The following M1AP variants were observed in gnomAD, a reference collection of about 807,000 sequenced individuals.
The protein encoded by M1AP is meiosis 1 associated protein, also known as meiosis 1 arrest protein.
Under a neutral mutation model 51.2 loss-of-function variants are expected in M1AP, and 39 were observed. That is an observed-to-expected ratio of 0.76 (90% CI 0.59 to 1.00). The LOEUF (loss-of-function observed/expected upper bound fraction) is 1.00, where lower values mean the gene tolerates loss of function less well. Among genes scored for constraint, M1AP ranks in the 50% least tolerant of loss-of-function variants. The pLI, the probability that M1AP is intolerant of heterozygous loss-of-function variation, is 0.00. For synonymous variants in M1AP, 251 were observed against 249.2 expected (o/e 1.01, Z -0.07); for missense variants, 545 against 641.2 (o/e 0.85, Z 1.62).
At chr2:74,593,002 T>C (rs78872564) in intron 4 of M1AP, among the ~76,000 whole-genome samples, 34 of 152,360 alleles carry the variant, frequency 2.2e-4, no homozygotes, top group African/African-American at 8.2e-4. Flanking sequence ...ACTAATGCTC[T>C]AGTGCTGGGT....
chr2:74,599,161 C>T (rs926465867), intron 4 of M1AP, among the ~76,000 whole-genome samples: 5 of 152,034 alleles, frequency 3.3e-5, no homozygotes, highest in African/African-American at 9.7e-5. Flanking sequence ...CACCTATAAT[C>T]CCAGCTAGTT....
At chr2:74,640,454 G>T in intron 1 of M1AP, 127 bp from the exon 2 acceptor site, 2 of 771,550 alleles carry the variant, frequency 2.6e-6, no homozygotes, top group East Asian at 2.8e-5. Context: ...AGCTTGTCCA[G>T]GCCATCCTAT....
At chr2:74,619,930 A>G (rs1681904974) in intron 2 of M1AP, among the ~76,000 whole-genome samples, 1 of 152,200 alleles carries the variant, frequency 6.6e-6, no homozygotes, top group African/African-American at 2.4e-5. Context: ...CAACCTCACA[A>G]TGTAAAAAGG....
intron 2 of M1AP, among the ~76,000 whole-genome samples, chr2:74,629,345 C>A (rs1028724237): frequency 1.3e-5 from 2 of 152,114 alleles, no homozygotes; most frequent in Non-Finnish European, 2.9e-5. Flanking sequence ...TGAAATGTTC[C>A]AAAATCCAAA....
intron 3 of M1AP, among the ~76,000 whole-genome samples, chr2:74,612,162 A>G (rs1681403518): frequency 6.6e-6 from 1 of 151,658 alleles, no homozygotes; most frequent in African/African-American, 2.4e-5. Flanking sequence ...AAGTGCTGGG[A>G]TTACAGGTGT....
intron 4 of M1AP, among the ~76,000 whole-genome samples, chr2:74,603,994 T>C (rs1680823141): frequency 6.6e-6 from 1 of 152,212 alleles, no homozygotes; most frequent in Non-Finnish European, 1.5e-5. Context: ...GGGTGAACTG[T>C]AACTTGAATG....
chr2:74,566,460 T>G (rs1314558587), intron 7 of M1AP, among the ~76,000 whole-genome samples: 4 of 151,896 alleles, frequency 2.6e-5, no homozygotes, highest in Non-Finnish European at 5.9e-5. Context: ...GAGAACAGCA[T>G]GAAAAAAGGT....
chr2:74,632,585 A>C (rs1473904737), intron 2 of M1AP, among the ~76,000 whole-genome samples: 1 of 152,202 alleles, frequency 6.6e-6, no homozygotes, highest in Non-Finnish European at 1.5e-5. Flanking sequence ...CTCCTTCAAC[A>C]GTGAAACTAT....
chr2:74,605,079 T>TA (rs1306785330), intron 4 of M1AP, among the ~76,000 whole-genome samples: 2 of 151,406 alleles, frequency 1.3e-5, no homozygotes, highest in Non-Finnish European at 2.9e-5. Flanking sequence ...TTAGCAAAAA[T>TA]AAAAAAACAA....
At chr2:74,610,782 T>C (rs1681288837) in intron 3 of M1AP, among the ~76,000 whole-genome samples, 1 of 152,242 alleles carries the variant, frequency 6.6e-6, no homozygotes, top group Admixed American at 6.5e-5. Flanking sequence ...ACTTTCAACT[T>C]TTCCTCATTC....
intron 2 of M1AP, among the ~76,000 whole-genome samples, chr2:74,627,833 C>A (rs1682488404): frequency 1.3e-5 from 2 of 152,146 alleles, no homozygotes. Context: ...ATATTAAAAT[C>A]TAACAATTAT....
intron 4 of M1AP, among the ~76,000 whole-genome samples, chr2:74,594,650 G>T (rs1171961742): frequency 2.0e-5 from 3 of 152,152 alleles, no homozygotes; most frequent in Non-Finnish European, 4.4e-5. Flanking sequence ...AAGATGGGAG[G>T]ACTGCCTGAG....
At chr2:74,571,342 T>C (rs1292770541) in intron 7 of M1AP, among the ~76,000 whole-genome samples, 1 of 152,148 alleles carries the variant, frequency 6.6e-6, no homozygotes, top group Middle Eastern at 3.2e-3. Context: ...GCGGTGCTGC[T>C]ATTAACAGAA....
Position 74,578,774 on chromosome 2 carries a change from G to C in M1AP, c.770-2156C>G, listed in dbSNP as rs565210656. Among the ~76,000 whole-genome samples the C allele has an allele frequency of 4.7e-4, 71 of 152,316 alleles. 1 individual carries two copies. In the South Asian group the frequency reaches 0.014, roughly 31 times the overall value. On this transcript the variant is annotated intron_variant, in intron 5 of 10. Transcript: ENST00000421985. The stretch of plus-strand genomic sequence containing the variant: ...CAGCTGGCATCAGATAGAGAACCTT[G>C]TAAGAAGGAGTCAGAGTGAACATCT...
At chr2:74,594,767 C>T (rs1321198627) in intron 4 of M1AP, among the ~76,000 whole-genome samples, 2 of 151,986 alleles carry the variant, frequency 1.3e-5, no homozygotes. Context: ...GTCCCAGCTA[C>T]TTGGGAGACG....
At chr2:74,641,847 A>ATTT (rs10709998) in intron 1 of M1AP, among the ~76,000 whole-genome samples, 102 of 142,520 alleles carry the variant, frequency 7.2e-4, no homozygotes, top group Non-Finnish European at 1.3e-3. Flanking sequence ...TCCTCAACTA[A>ATTT]TTTTTTTTTT....
chr2:74,611,465 T>C (rs1331828458), intron 3 of M1AP, among the ~76,000 whole-genome samples: 1 of 152,192 alleles, frequency 6.6e-6, no homozygotes, highest in Non-Finnish European at 1.5e-5. Flanking sequence ...TGTTGACATA[T>C]AGTTCTTCAA....
At chr2:74,611,891 T>TG (rs1420366071) in intron 3 of M1AP, among the ~76,000 whole-genome samples, 2 of 75,148 alleles carry the variant, frequency 2.7e-5, no homozygotes, top group African/African-American at 4.9e-5. Flanking sequence ...TGTTTTTTTT[T>TG]TTTTTTTTTT....
chr2:74,585,428 T>G (rs1226275787), intron 4 of M1AP, among the ~76,000 whole-genome samples: 1 of 152,214 alleles, frequency 6.6e-6, no homozygotes, highest in East Asian at 1.9e-4. Context: ...AAATTAACTT[T>G]CTGATCCTGC....
Sources: allele counts gnomAD v4.1 joint callset (sites outside exome capture counted in the v4.1 genomes callset), GRCh38; gene constraint gnomAD v4.1.1; transcripts MANE v1.5; gene names NCBI Gene and HGNC (gene_info 2026-07-23, HGNC 2026-07-21).